Variants in TTC28 observed in about 807,000 individuals in gnomAD.
The protein encoded by TTC28 is tetratricopeptide repeat protein 28.
A neutral mutation model predicts 198.0 loss-of-function variants in TTC28; 61 were observed. The ratio of observed to expected loss-of-function variants is 0.31; its 90% CI spans 0.25 to 0.38. The LOEUF is 0.38. Ranked by LOEUF, TTC28 falls within the 10% of genes least tolerant of loss-of-function variation. The pLI, the probability that TTC28 is intolerant of heterozygous loss-of-function variation, is 1.00. For missense variants in TTC28, 2,678 were observed against 3,164.0 expected (o/e 0.85, Z 3.69); for synonymous variants, 1,171 against 1,297.8 (o/e 0.90, Z 2.10).
chr22:28,040,784 G>C (rs199740163), intron 12 of TTC28, among the ~76,000 whole-genome samples: 2 of 152,296 alleles, frequency 1.3e-5, no homozygotes, highest in Middle Eastern at 3.4e-3. Flanking sequence ...TAGGAAAAGA[G>C]GAAGTCAAAT....
intron 2 of TTC28, among the ~76,000 whole-genome samples, chr22:28,581,464 G>C (rs1418912574): frequency 6.6e-6 from 1 of 152,166 alleles, no homozygotes; most frequent in East Asian, 1.9e-4. Context: ...AATATTAGGA[G>C]ATTCCAAAGG....
intron 5 of TTC28, among the ~76,000 whole-genome samples, chr22:28,179,145 G>GT (rs1276572423): frequency 6.7e-6 from 1 of 150,328 alleles, no homozygotes; most frequent in Admixed American, 6.6e-5. Flanking sequence ...ATGGTACTTA[G>GT]TTTTTTGTTT....
chr22:28,135,202 C>T (rs1943172212), intron 6 of TTC28, among the ~76,000 whole-genome samples: 1 of 152,166 alleles, frequency 6.6e-6, no homozygotes, highest in African/African-American at 2.4e-5. Context: ...CATCCTGTTA[C>T]TACCTTGGGG....
At chr22:28,327,483 T>C (rs1292633962) in intron 2 of TTC28, among the ~76,000 whole-genome samples, 1 of 152,166 alleles carries the variant, frequency 6.6e-6, no homozygotes, top group Non-Finnish European at 1.5e-5. Context: ...ATCAACAATA[T>C]ATATTAATCA....
chr22:28,214,054 T>C (rs1222152463), intron 5 of TTC28, among the ~76,000 whole-genome samples: 3 of 152,066 alleles, frequency 2.0e-5, no homozygotes, highest in Non-Finnish European at 4.4e-5. Flanking sequence ...TAATAAATGG[T>C]GCTGGGAAAA....
chr22:28,234,207 AATTTTTTGT>A (rs1929056772), intron 5 of TTC28, among the ~76,000 whole-genome samples: 1 of 150,708 alleles, frequency 6.6e-6, no homozygotes, highest in Non-Finnish European at 1.5e-5. Context: ...CACCTGGCCA[AATTTTTTGT>A]ATTTTAGTAG....
chr22:28,340,889 A>G (rs186838641), intron 2 of TTC28, among the ~76,000 whole-genome samples: 1 of 152,260 alleles, frequency 6.6e-6, no homozygotes, highest in Non-Finnish European at 1.5e-5. Flanking sequence ...AAAGCAGAGA[A>G]AATAACATTT....
chr22:28,199,548 T>TATATATATATATATATATATATATAC (rs60177369), intron 5 of TTC28, among the ~76,000 whole-genome samples: 6 of 147,428 alleles, frequency 4.1e-5, no homozygotes, highest in African/African-American at 1.5e-4. Flanking sequence ...TATATATATA[T>TATATATATATATATATATATATATAC]ACACACAAAC....
intron 6 of TTC28, among the ~76,000 whole-genome samples, chr22:28,132,072 T>A (rs1943071077): frequency 6.6e-6 from 1 of 151,876 alleles, no homozygotes; most frequent in Admixed American, 6.6e-5. Context: ...ACAGTTATAC[T>A]CTAAGAAAAA....
intron 2 of TTC28, among the ~76,000 whole-genome samples, chr22:28,368,962 G>A (rs1419416843): frequency 6.6e-6 from 1 of 151,812 alleles, no homozygotes; most frequent in Non-Finnish European, 1.5e-5. Flanking sequence ...AATGTCCATG[G>A]TGCCCAAAGG....
chr22:28,146,109 T>C (rs1487936530), intron 6 of TTC28, among the ~76,000 whole-genome samples: 1 of 152,160 alleles, frequency 6.6e-6, no homozygotes, highest in Non-Finnish European at 1.5e-5. Flanking sequence ...CAGTGATAAA[T>C]GATAAGGTCA....
chr22:28,543,330 T>A (rs994546454), intron 2 of TTC28, among the ~76,000 whole-genome samples: 3 of 151,336 alleles, frequency 2.0e-5, no homozygotes, highest in African/African-American at 4.9e-5. Flanking sequence ...AGAGTAAGAC[T>A]CTGTCTCAAA....
intron 18 of TTC28, 98 bp from the exon 19 acceptor site, chr22:27,992,761 G>T (rs536299805): frequency 3.3e-5 from 40 of 1,222,896 alleles, no homozygotes; most frequent in Non-Finnish European, 4.4e-5. Context: ...CCTTGGCATC[G>T]GTGGCATTTT....
rs761850559 is a variant in TTC28, at chr22:28,108,062, G to A, written c.1783C>T (p.Arg595Trp). Residue 595 changes from arginine to tryptophan, a missense_variant, in exon 7 of 23, where the codon CGG (arginine) becomes TGG (tryptophan). Arg to Trp is a moderately radical substitution (Grantham distance 101, BLOSUM62 -3). This residue lies in a region of TTC28 where 775 missense variants were observed against 845.9 expected (regional missense o/e 0.92). Transcript: ENST00000397906. ...RELRDIQSEARALSNLGNFHC... is the reference protein window; with the variant it reads ...RELRDIQSEAWALSNLGNFHC... ...AAATTGCCCAGGTTGCTGAGGGCCCGGGCCTCGCTCTGGATGTCTCGTAGC... is the reference window on the plus strand; with the variant it reads ...AAATTGCCCAGGTTGCTGAGGGCCCAGGCCTCGCTCTGGATGTCTCGTAGC... 5 of 1,551,500 alleles carry A rather than the reference G, an allele frequency of 3.2e-6. No individual in the cohort carries two copies. The highest frequency in any genetic ancestry group is 1.4e-5 in the African/African-American group (1 of 73,028).
chr22:28,192,393 C>G (rs1469217118), intron 5 of TTC28, among the ~76,000 whole-genome samples: 1 of 152,164 alleles, frequency 6.6e-6, no homozygotes, highest in Non-Finnish European at 1.5e-5. Flanking sequence ...TCTCCTCCTT[C>G]AAAGGAACGC....
chr22:28,642,325 A>G (rs1167512050), intron 1 of TTC28, among the ~76,000 whole-genome samples: 1 of 152,012 alleles, frequency 6.6e-6, no homozygotes, highest in Non-Finnish European at 1.5e-5. Context: ...GGTTAGGCAA[A>G]GATTTCTTGG....
chr22:28,032,224 T>C (rs1939141344), intron 12 of TTC28, among the ~76,000 whole-genome samples: 1 of 134,040 alleles, frequency 7.5e-6, no homozygotes, highest in Non-Finnish European at 1.5e-5. Context: ...ATATAAAATA[T>C]ATATATATAA....
intron 5 of TTC28, among the ~76,000 whole-genome samples, chr22:28,203,003 G>A (rs186777253): frequency 1.4e-4 from 21 of 151,934 alleles, no homozygotes; most frequent in Middle Eastern, 6.9e-3. Flanking sequence ...CATTTGACAC[G>A]ATTATTGTAT....
Position 27,982,287 on chromosome 22 carries a change from C to T in TTC28, c.7380G>A (p.Arg2460=), listed in dbSNP as rs2146491311. The change falls in exon 23 of 23, where the codon AGG becomes AGA. Residue 2460 remains arginine, a synonymous_variant. Coordinates refer to ENST00000397906, the MANE Select transcript of TTC28 (RefSeq NM_001145418.2). The surrounding 1 kb of genome is among the most constrained non-coding windows in gnomAD (Gnocchi z 5.2). ...PPATAPARPL[R]LPSGNGYKFL... ...ACTTGTAGCCATTTCCAGAAGGAAG[C>T]CTCAAAGGGCGCGCGGGGGCTGTGG... The T allele has an allele frequency of 1.3e-6, 2 of 1,489,298 alleles. No homozygotes were observed. The highest frequency in any genetic ancestry group is 1.8e-6 in the Non-Finnish European group (2 of 1,119,630). 92.3% of individuals were successfully genotyped at this position (1,489,298 alleles called of 1,614,324 possible). A position where few individuals can be genotyped will look rare whatever the true frequency, so the allele number is the denominator to read the frequency against.
Sources: allele counts gnomAD v4.1 joint callset (sites outside exome capture counted in the v4.1 genomes callset), GRCh38; gene constraint gnomAD v4.1.1; regional missense constraint gnomAD v4.1.1; non-coding constraint Gnocchi (gnomAD v3.1); transcripts MANE v1.5; gene names NCBI Gene and HGNC (gene_info 2026-07-23, HGNC 2026-07-21).